MED31: variants seen among roughly 807,000 people sequenced by gnomAD.
MED31 encodes the protein mediator of RNA polymerase II transcription subunit 31.
In MED31, 11 loss-of-function variants were observed where a neutral mutation model predicts 22.0. The observed-to-expected ratio is 0.50, with a 90% CI of 0.31 to 0.83. MED31 has a LOEUF of 0.83. MED31 is among the 40% of genes least tolerant of loss of function. MED31 has a pLI of 0.04. For synonymous variants in MED31, 60 were observed against 55.1 expected, an observed-to-expected ratio of 1.09 and a Z score of -0.40; for missense variants, 122 against 155.3, an observed-to-expected ratio of 0.79 and a Z score of 1.14.
rs775598908 is a variant in MED31, at chr17:6,650,101, AT to A, written c.107-24del. The A allele has an allele frequency of 1.9e-6, 3 of 1,560,420 alleles. No individual in the cohort carries two copies. In the East Asian group the frequency reaches 6.7e-5, roughly 35 times the overall value. On this transcript the variant is annotated intron_variant, in intron 2 of 3. Coordinates refer to ENST00000225728, the MANE Select transcript of MED31 (RefSeq NM_016060.3). ...GAACTGAAAAGCATTAAAAAAAAAA[AT>A]CTGTAGGTCAAACCAATCCTTAAAC...
intron 1 of MED31, among the ~76,000 whole-genome samples, chr17:6,651,120 C>CA (rs57965628): frequency 0.034 from 1,686 of 49,046 alleles, 184 homozygotes; most frequent in Middle Eastern, 0.076. Context: ...GACGCTGTCT[C>CA]AAAAAAAAAA....
rs1223444262 is a variant in MED31 at position 6,644,622 on chromosome 17, A to G, written c.241T>C (p.Tyr81His). Residue 81 changes from tyrosine (Y) to histidine (H), a missense_variant, in exon 4 of 4, where the codon TAT (tyrosine) becomes CAT (histidine). Physicochemically the swap from Tyr to His is moderately conservative, Grantham distance 83. Coordinates refer to ENST00000225728, the MANE Select transcript of MED31 (RefSeq NM_016060.3). ...ACCAGCTCCTTTCGGAAGTGTTCAT[A>G]TTGGAGCAGCTCTAACATGTGTAAA... ...QCLHMLELLQ[Y>H]EHFRKELVNA... 1.2e-6 allele frequency: 2 copies of G among 1,610,720 alleles called. No individual in the cohort carries two copies. Among genetic ancestry groups the G allele is most frequent in the East Asian group, 2.2e-5 (1 of 44,848 alleles).
chr17:6,648,372 T>C (rs750390083), intron 3 of MED31, among the ~76,000 whole-genome samples: 3 of 152,228 alleles, frequency 2.0e-5, no homozygotes, highest in Non-Finnish European at 2.9e-5. Context: ...GATGTTATAG[T>C]GGCACCTACT....
intron 3 of MED31, among the ~76,000 whole-genome samples, chr17:6,648,530 G>A (rs12949420): frequency 0.52 from 79,615 of 152,028 alleles, 20,956 homozygotes; most frequent in East Asian, 0.65. Context: ...AGATTTGAAA[G>A]AGTAGCTGGA....
At chr17:6,645,665 A>G (rs1597632425) in intron 3 of MED31, among the ~76,000 whole-genome samples, 1 of 152,222 alleles carries the variant, frequency 6.6e-6, no homozygotes, top group Admixed American at 6.5e-5. Context: ...TCTACTAAAA[A>G]TAAGAATCCA....
intron 3 of MED31, among the ~76,000 whole-genome samples, chr17:6,645,750 G>T (rs1429757953): frequency 1.3e-5 from 2 of 151,930 alleles, no homozygotes; most frequent in South Asian, 2.1e-4. Flanking sequence ...CCTTACAATC[G>T]AATTCCAAAC....
At chr17:6,648,300 T>C (rs2871289) in intron 3 of MED31, among the ~76,000 whole-genome samples, 106,803 of 152,160 alleles carry the variant, frequency 0.7, 38,299 homozygotes, top group African/African-American at 0.87. Context: ...CCTCAACTCA[T>C]GAGAACTCTG....
rs191803951 is a variant in MED31, at chr17:6,648,123, C to T, written c.203+1859G>A. Among the ~76,000 whole-genome samples, 4 of 152,330 alleles carry T rather than the reference C, an allele frequency of 2.6e-5. No homozygotes were observed. The East Asian group carries it at 7.7e-4, about 29-fold the overall frequency. ...ACAATGTGATCCTCTTCCCCACTCC[C>T]ACCCCCAAAAGTAATATAAACTTAA... On this transcript the variant is annotated intron_variant, in intron 3 of 3. Coordinates refer to ENST00000225728, the MANE Select transcript of MED31 (RefSeq NM_016060.3).
At chr17:6,651,136 A>AAAAAAAAAAAAAAAAAAAAAAAAAAAC in intron 1 of MED31, among the ~76,000 whole-genome samples, 1 of 149,602 alleles carries the variant, frequency 6.7e-6, no homozygotes, top group African/African-American at 2.5e-5. Context: ...AAAAAAAAAA[A>AAAAAAAAAAAAAAAAAAAAAAAAAAAC]AGAAGCACCA....
At chr17:6,648,944 T>C (rs1972796207) in intron 3 of MED31, among the ~76,000 whole-genome samples, 2 of 152,212 alleles carry the variant, frequency 1.3e-5, no homozygotes, top group Admixed American at 1.3e-4. Context: ...TCTACATACA[T>C]ACAATATTCG....
chr17:6,649,966 T>C lies in MED31; in HGVS notation c.203+16A>G, dbSNP rs533232767. The C allele has an allele frequency of 1.3e-5, 21 of 1,574,552 alleles. No homozygotes were observed. Among genetic ancestry groups the C allele is most frequent in the Middle Eastern group, 2.3e-4 (1 of 4,394 alleles). The stretch of plus-strand genomic sequence containing the variant: ...TAAAGTATACACATGCTTAGGATTA[T>C]AAAAATTAAACTTACTTTAGATACT... On this transcript the variant is annotated intron_variant, in intron 3 of 3. Transcript: ENST00000225728.
chr17:6,650,512 TAA>T, intron 1 of MED31, 79 bp from the exon 2 acceptor site: 1 of 1,311,786 alleles, frequency 7.6e-7, no homozygotes, highest in Non-Finnish European at 1.1e-6. Context: ...GAAAGAGCAA[TAA>T]AGAAACCTGA....
rs540336125 is a variant in MED31, at chr17:6,651,158, A to T, written c.28+343T>A. Among the ~76,000 whole-genome samples the T allele has an allele frequency of 3.3e-5, 5 of 149,582 alleles. No homozygotes were observed. In the South Asian group the frequency reaches 1.1e-3, roughly 32 times the overall value. ...AAAAAGAAGCACCAGTAGCAGAATG[A>T]TACACAAGTCTGGCGACGATATTTC... is the stretch of plus-strand genomic sequence containing the variant. On this transcript the variant is annotated intron_variant, in intron 1 of 3. Coordinates refer to ENST00000225728, the MANE Select transcript of MED31 (RefSeq NM_016060.3).
At position 6,650,324 on chromosome 17, in the gene MED31, T is replaced by C. The variant is rs1212575246; in HGVS notation, c.106+32A>G. On this transcript the variant is annotated intron_variant, in intron 2 of 3. Transcript: ENST00000225728. ...TCTTCTGTCAGAAATCATTAATAGC[T>C]ACTCAATTTAATGAGGTGCTTAACA... is the stretch of plus-strand genomic sequence containing the variant. 9 of 1,578,686 alleles carry C rather than the reference T, an allele frequency of 5.7e-6. No individual in the cohort carries two copies. The Admixed American group carries it at 6.8e-5, about 12-fold the overall frequency.
intron 3 of MED31, among the ~76,000 whole-genome samples, chr17:6,649,672 G>C (rs1215629415): frequency 6.6e-6 from 1 of 152,202 alleles, no homozygotes; most frequent in Non-Finnish European, 1.5e-5. Context: ...CCATTGAAAG[G>C]TTCTAAGCAA....
intron 3 of MED31, among the ~76,000 whole-genome samples, chr17:6,645,409 G>A (rs528567824): frequency 6.6e-6 from 1 of 152,228 alleles, no homozygotes; most frequent in South Asian, 2.1e-4. Context: ...ATGACACTGT[G>A]GTACTAATGA....
At chr17:6,646,754 G>A (rs902666426) in intron 3 of MED31, among the ~76,000 whole-genome samples, 7 of 152,208 alleles carry the variant, frequency 4.6e-5, no homozygotes, top group Non-Finnish European at 8.8e-5. Context: ...ATATGGCCTC[G>A]TGGGAAAGGA....
In MED31 at chr17:6,645,518, C is replaced by A. The variant is rs530909934; in HGVS notation, c.204-859G>T. 2.0e-5 allele frequency among the ~76,000 whole-genome samples: 3 copies of A among 152,234 alleles called. No homozygotes were observed. The East Asian group carries it at 5.8e-4, about 29-fold the overall frequency. On this transcript the variant is annotated intron_variant, in intron 3 of 3. Coordinates refer to ENST00000225728, the MANE Select transcript of MED31 (RefSeq NM_016060.3). ...GGAAAAGTACAAGATGAGCCTGGAA[C>A]ATTACGTAGTGCCAGAAGAAAAAGT...
rs749705560 is a variant in MED31, at chr17:6,651,498, C to T, written c.28+3G>A. ...AAGACTCCAAGATCAGAGAGCTACT[C>T]ACCTGTCTCCATAGCGACAGCAGCG... On this transcript the variant is annotated splice_donor_region_variant and intron_variant, in intron 1 of 3. Transcript: ENST00000225728. The T allele has an allele frequency of 5.0e-6, 8 of 1,614,018 alleles. No homozygotes were observed. Among genetic ancestry groups the T allele is most frequent in the Non-Finnish European group, 6.8e-6 (8 of 1,180,010 alleles).
Sources: allele counts gnomAD v4.1 joint callset (sites outside exome capture counted in the v4.1 genomes callset), GRCh38; gene constraint gnomAD v4.1.1; transcripts MANE v1.5; gene names NCBI Gene and HGNC (gene_info 2026-07-23, HGNC 2026-07-21).